The following TNFRSF11A variants were observed in gnomAD, a reference collection of about 807,000 sequenced individuals.
TNFRSF11A encodes the protein tumor necrosis factor receptor superfamily member 11A.
TNFRSF11A carries 32 observed loss-of-function variants against 55.7 expected under a neutral mutation model. The observed-to-expected ratio is 0.57, with a 90% CI of 0.43 to 0.77. The LOEUF (loss-of-function observed/expected upper bound fraction) is 0.77, where lower values mean the gene tolerates loss of function less well. Ranked by LOEUF, TNFRSF11A falls within the 30% of genes least tolerant of loss-of-function variation. TNFRSF11A has a pLI of 0.00. For missense variants in TNFRSF11A, 753 were observed against 809.8 expected (o/e 0.93, Z 0.85); for synonymous variants, 311 against 331.0 (o/e 0.94, Z 0.65).
At chr18:62,375,255 G>A (rs1910813554) in intron 9 of TNFRSF11A, among the ~76,000 whole-genome samples, 3 of 151,900 alleles carry the variant, frequency 2.0e-5, no homozygotes, top group Admixed American at 2.0e-4. Flanking sequence ...GCAGTGAGCT[G>A]TGTTCACGCC....
At chr18:62,358,426 G>GA in intron 5 of TNFRSF11A, 85 bp downstream of exon 5, 1 of 1,309,962 alleles carries the variant, frequency 7.6e-7, no homozygotes, top group Non-Finnish European at 1.1e-6. Context: ...GAAAACGGAC[G>GA]GATTCTGTTG....
rs67721371 is a variant in TNFRSF11A, at chr18:62,367,788, C to CTTTTTTTTTT, written c.784-899_784-890dup. Reference sequence around the variant, plus strand: ...GATCTTTCTTTCTTTTCTTCTTCTTCTTTTTTTTTTTTTTTTTTTTTTTGA... The same window carrying CTTTTTTTTTT: ...GATCTTTCTTTCTTTTCTTCTTCTTCTTTTTTTTTTTTTTTTTTTTTTTTTTTTTTTTTGA... On this transcript the variant is annotated intron_variant, in intron 8 of 9. Coordinates refer to ENST00000586569, the MANE Select transcript of TNFRSF11A (RefSeq NM_003839.4). 1.6e-3 allele frequency among the ~76,000 whole-genome samples: 124 copies of CTTTTTTTTTT among 78,680 alleles called. 1 individual carries two copies. The highest frequency in any genetic ancestry group is 4.1e-3 in the South Asian group (8 of 1,934). 51.6% of individuals were successfully genotyped at this position (78,680 alleles called of 152,430 possible).
chr18:62,346,934 G>A (rs1229518206), intron 1 of TNFRSF11A, among the ~76,000 whole-genome samples: 1 of 152,138 alleles, frequency 6.6e-6, no homozygotes, highest in Non-Finnish European at 1.5e-5. Flanking sequence ...GCTGTTTCAG[G>A]CCTCATTGCC....
intron 3 of TNFRSF11A, 141 bp from the exon 4 acceptor site, chr18:62,354,250 A>C: frequency 9.4e-7 from 1 of 1,059,090 alleles, no homozygotes; most frequent in Non-Finnish European, 1.3e-6. Context: ...GGACTTCTCG[A>C]GCAGTGTCCT....
At chr18:62,350,859 T>G (rs1205795624) in intron 3 of TNFRSF11A, among the ~76,000 whole-genome samples, 4 of 152,110 alleles carry the variant, frequency 2.6e-5, no homozygotes, top group Non-Finnish European at 5.9e-5. Flanking sequence ...TTTCTCTCCC[T>G]TCTTTCCTTT....
rs373533277 is a variant in TNFRSF11A, at chr18:62,362,971, G to A, written c.730+1178G>A. 2.6e-5 allele frequency among the ~76,000 whole-genome samples: 4 copies of A among 152,130 alleles called. No individual in the cohort carries two copies. The East Asian group carries it at 7.7e-4, about 29-fold the overall frequency. ...TGATTCTCCTGCCTCAGCCTCCCGA[G>A]TAGCTGGGATTACAGGCATTTGCCA... On this transcript the variant is annotated intron_variant, in intron 7 of 9. Coordinates refer to ENST00000586569, the MANE Select transcript of TNFRSF11A (RefSeq NM_003839.4).
intron 1 of TNFRSF11A, 94 bp from the exon 2 acceptor site, chr18:62,348,074 A>AT: frequency 9.8e-7 from 1 of 1,022,354 alleles, no homozygotes; most frequent in Admixed American, 2.0e-5. Flanking sequence ...AAAAAAAAAA[A>AT]AAAAAGTAAT....
At chr18:62,335,260 A>C (rs1449916873) in intron 1 of TNFRSF11A, among the ~76,000 whole-genome samples, 4 of 149,126 alleles carry the variant, frequency 2.7e-5, no homozygotes, top group Non-Finnish European at 4.5e-5. Flanking sequence ...GGTACCTAAC[A>C]CCACATTTGG....
chr18:62,371,302 G>A (rs1910535827), intron 9 of TNFRSF11A, among the ~76,000 whole-genome samples: 1 of 152,212 alleles, frequency 6.6e-6, no homozygotes, highest in Non-Finnish European at 1.5e-5. Flanking sequence ...GGAAGATGAT[G>A]TTGCCTCTGT....
intron 1 of TNFRSF11A, among the ~76,000 whole-genome samples, chr18:62,339,857 C>G (rs573014305): frequency 6.6e-6 from 1 of 152,236 alleles, no homozygotes; most frequent in East Asian, 1.9e-4. Context: ...AGCCTCTTTG[C>G]GGGGAACAGT....
At chr18:62,349,037 T>C (rs2046425708) in intron 2 of TNFRSF11A, among the ~76,000 whole-genome samples, 1 of 152,130 alleles carries the variant, frequency 6.6e-6, no homozygotes, top group Non-Finnish European at 1.5e-5. Context: ...AAGTTGCCTA[T>C]CCAGATGGAA....
intron 4 of TNFRSF11A, 96 bp from the exon 5 acceptor site, chr18:62,358,152 C>G (rs1909408831): frequency 8.3e-7 from 1 of 1,199,602 alleles, no homozygotes; most frequent in African/African-American, 1.5e-5. Flanking sequence ...CGCCTCACCT[C>G]CAGTCCTCTG....
At chr18:62,382,338 T>C (rs1324060420) in intron 9 of TNFRSF11A, among the ~76,000 whole-genome samples, 2 of 152,116 alleles carry the variant, frequency 1.3e-5, no homozygotes, top group African/African-American at 4.8e-5. Flanking sequence ...CTTGAACTCC[T>C]GACCCCAGGT....
chr18:62,340,091 T>G (rs1432337488), intron 1 of TNFRSF11A, among the ~76,000 whole-genome samples: 5 of 151,998 alleles, frequency 3.3e-5, no homozygotes, highest in Non-Finnish European at 7.4e-5. Context: ...GAGGATCACT[T>G]GAGTATGGGA....
chr18:62,348,243 G>C lies in TNFRSF11A; in HGVS notation c.151G>C (p.Glu51Gln). Residue 51 changes from glutamate to glutamine, a missense_variant, in exon 2 of 10, where the codon GAA becomes CAA. Transcript: ENST00000586569. ...EHLGRCCNKCEPGKYMSSKCT... is the reference protein window; with the variant it reads ...EHLGRCCNKCQPGKYMSSKCT... ...TCTGGGACGGTGCTGTAACAAATGT[G>C]AACCAGGTACACCTGCTTCTGAGCC... is the stretch of plus-strand genomic sequence containing the variant. 1.2e-6 allele frequency: 2 copies of C among 1,614,058 alleles called. No individual in the cohort carries two copies. The highest frequency in any genetic ancestry group is 1.7e-6 in the Non-Finnish European group (2 of 1,179,978).
intron 9 of TNFRSF11A, chr18:62,378,244 A>T (rs1911029009): frequency 6.6e-6 from 1 of 152,240 alleles, no homozygotes; most frequent in South Asian, 2.1e-4. Context: ...CTATTAGATA[A>T]GGATATTACC....
chr18:62,342,975 G>GT (rs1426595894), intron 1 of TNFRSF11A, among the ~76,000 whole-genome samples: 1 of 152,172 alleles, frequency 6.6e-6, no homozygotes, highest in Non-Finnish European at 1.5e-5. Context: ...CTCTTTTAGT[G>GT]TTTTGGGTAC....
At chr18:62,370,524 GCTAGATC>G in intron 9 of TNFRSF11A, among the ~76,000 whole-genome samples, 1 of 152,290 alleles carries the variant, frequency 6.6e-6, no homozygotes, top group South Asian at 2.1e-4. Flanking sequence ...ATCTGAGGTA[GCTAGATC>G]TGTGCCTTAA....
In TNFRSF11A at chr18:62,388,239, C is replaced by T. The variant is rs983369601; in HGVS notation, c.*3205C>T. ...CTAGTTGGCCGGGCCAGGCTGTGTG[C>T]TCTCCACCTGTCTCCCATCCTTCCA... On this transcript the variant is annotated 3_prime_UTR_variant, in exon 10 of 10. Coordinates refer to ENST00000586569, the MANE Select transcript of TNFRSF11A (RefSeq NM_003839.4). The T allele has an allele frequency of 6.6e-6, 1 of 152,268 alleles. No individual in the cohort carries two copies. Among genetic ancestry groups the T allele is most frequent in the African/African-American group, 2.4e-5 (1 of 41,458 alleles). 9.4% of individuals were successfully genotyped at this position (152,268 alleles called of 1,614,324 possible). A position where few individuals can be genotyped will look rare whatever the true frequency, so the allele number is the denominator to read the frequency against.
Sources: gnomAD v4.1 joint callset for allele counts (sites outside exome capture counted in the v4.1 genomes callset) on GRCh38, gnomAD v4.1.1 for gene constraint, MANE v1.5 for transcripts, NCBI Gene and HGNC (gene_info 2026-07-23, HGNC 2026-07-21) for gene names.